The following ZNF652 variants were observed in gnomAD, a reference collection of about 807,000 sequenced individuals.
The protein encoded by ZNF652 is zinc finger protein 652.
In ZNF652, 16 loss-of-function variants were observed where a neutral mutation model predicts 45.2. The ratio of observed to expected loss-of-function variants is 0.35; its 90% CI spans 0.24 to 0.54. ZNF652 has a LOEUF of 0.54. Ranked by LOEUF, ZNF652 falls within the 20% of genes least tolerant of loss-of-function variation. The pLI is 0.91. For synonymous variants in ZNF652, 250 were observed against 260.6 expected (o/e 0.96, Z 0.39); for missense variants, 614 against 765.6 (o/e 0.80, Z 2.34).
intron 4 of ZNF652, 48 bp downstream of exon 4, chr17:49,311,879 G>C: frequency 6.7e-7 from 1 of 1,491,012 alleles, no homozygotes; most frequent in Non-Finnish European, 9.3e-7. Context: ...CGCCATCTAT[G>C]CAAACACTAG....
chr17:49,336,222 A>T (rs770411053), intron 1 of ZNF652, among the ~76,000 whole-genome samples: 84 of 150,974 alleles, frequency 5.6e-4, no homozygotes, highest in Middle Eastern at 3.5e-3. Context: ...ATGAGGTTTC[A>T]CCATGTTGGC....
intron 5 of ZNF652, among the ~76,000 whole-genome samples, chr17:49,304,993 G>A (rs1199741269): frequency 2.0e-5 from 3 of 151,756 alleles, no homozygotes; most frequent in Admixed American, 6.6e-5. Context: ...AACTGCTTAC[G>A]TGAATGCCCC....
intron 1 of ZNF652, among the ~76,000 whole-genome samples, chr17:49,330,480 A>G (rs2070011168): frequency 6.6e-6 from 1 of 151,908 alleles, no homozygotes; most frequent in Non-Finnish European, 1.5e-5. Flanking sequence ...AATTTTTAGC[A>G]TGACTAATTT....
intron 1 of ZNF652, among the ~76,000 whole-genome samples, chr17:49,338,833 T>A (rs2070112366): frequency 6.6e-6 from 1 of 151,752 alleles, no homozygotes; most frequent in South Asian, 2.1e-4. Context: ...AAGAAAAGGA[T>A]AACAATGAAG....
chr17:49,317,610 C>A lies in ZNF652; in HGVS notation c.116G>T (p.Gly39Val). Reference protein sequence around the residue: ...RGQVPSSFYHGANQELDLSTK... With the variant: ...RGQVPSSFYHVANQELDLSTK... ...GGACAGGTCAAGTTCTTGGTTGGCACCATGATAAAAGGAAGATGGCACTTG... is the reference window on the plus strand; with the variant it reads ...GGACAGGTCAAGTTCTTGGTTGGCAACATGATAAAAGGAAGATGGCACTTG... Residue 39 changes from glycine (G) to valine (V), a missense_variant, in exon 2 of 6, where the codon GGT becomes GTT. Around this residue, in one of 5 missense-constraint regions of ZNF652, gnomAD observed 133 missense variants for 132.2 expected, o/e 1.01. Transcript: ENST00000430262. 6.2e-7 allele frequency: 1 copy of A among 1,614,092 alleles called. No individual in the cohort carries two copies. The highest frequency in any genetic ancestry group is 8.5e-7 in the Non-Finnish European group (1 of 1,179,980).
rs1170573845 is a variant in ZNF652 at position 49,296,357 on chromosome 17, C to T, written c.*2056G>A. 6.6e-6 allele frequency: 1 copy of T among 152,270 alleles called. No individual in the cohort carries two copies. The highest frequency in any genetic ancestry group is 1.5e-5 in the Non-Finnish European group (1 of 67,958). The allele number at this position is 152,270 out of a possible 1,614,324, so 9.4% of individuals were successfully genotyped here. ...AGGAGAAAATTTAGAAACACTAAAC[C>T]AAAAAGCCAATAGAGAACGTGATGT... On this transcript the variant is annotated 3_prime_UTR_variant, in exon 6 of 6. Coordinates refer to ENST00000430262, the MANE Select transcript of ZNF652 (RefSeq NM_001145365.3).
chr17:49,330,845 G>A (rs2070015233), intron 1 of ZNF652, among the ~76,000 whole-genome samples: 1 of 151,518 alleles, frequency 6.6e-6, no homozygotes, highest in African/African-American at 2.4e-5. Context: ...GAGATTGGGA[G>A]TTCGAGACCA....
At chr17:49,345,445 GC>G (rs2070194901) in intron 1 of ZNF652, among the ~76,000 whole-genome samples, 1 of 151,096 alleles carries the variant, frequency 6.6e-6, no homozygotes. Context: ...AAAGTGATAT[GC>G]CCACCTCGGC....
At chr17:49,342,671 C>A (rs2070161826) in intron 1 of ZNF652, among the ~76,000 whole-genome samples, 1 of 151,330 alleles carries the variant, frequency 6.6e-6, no homozygotes, top group African/African-American at 2.4e-5. Flanking sequence ...ATTGACAAAC[C>A]TCAGTTACTG....
At chr17:49,306,459 A>AT (rs891274663) in intron 5 of ZNF652, among the ~76,000 whole-genome samples, 3 of 151,752 alleles carry the variant, frequency 2.0e-5, no homozygotes, top group Non-Finnish European at 2.9e-5. Context: ...GGTTTTTTCA[A>AT]TTTTTTTTGG....
chr17:49,356,073 T>C (rs907327601), intron 1 of ZNF652, among the ~76,000 whole-genome samples: 1 of 151,956 alleles, frequency 6.6e-6, no homozygotes, highest in Non-Finnish European at 1.5e-5. Flanking sequence ...TTTGAGAATG[T>C]GCTAAAAAAG....
chr17:49,325,671 A>T (rs756650915), intron 1 of ZNF652, among the ~76,000 whole-genome samples: 18 of 151,962 alleles, frequency 1.2e-4, no homozygotes, highest in Non-Finnish European at 2.1e-4. Context: ...AAAAAAATAC[A>T]AATTACCCAG....
chr17:49,356,901 A>C (rs2070343356), intron 1 of ZNF652, among the ~76,000 whole-genome samples: 2 of 152,142 alleles, frequency 1.3e-5, no homozygotes, highest in Admixed American at 6.5e-5. Flanking sequence ...TAACCTAAGA[A>C]ATCCTATTTT....
At chr17:49,307,574 C>A (rs2143745423) in intron 5 of ZNF652, among the ~76,000 whole-genome samples, 1 of 140,656 alleles carries the variant, frequency 7.1e-6, no homozygotes, top group East Asian at 2.1e-4. Flanking sequence ...ACCCCCATCT[C>A]TACTAAAAAT....
intron 1 of ZNF652, among the ~76,000 whole-genome samples, chr17:49,353,191 T>C (rs926559159): frequency 1.3e-5 from 2 of 152,170 alleles, no homozygotes; most frequent in Non-Finnish European, 2.9e-5. Context: ...TCAAATTCTT[T>C]TTTTCTGGAG....
chr17:49,298,481 T>C lies in ZNF652; in HGVS notation c.1753A>G (p.Arg585Gly), dbSNP rs1267127031. ...AGAAAGTTGTCCTCACTCTGGCCTC[T>C]ATGATTTAAAGGCTCACTCTTAAAG... Reference protein sequence around the residue: ...ALFKSEPLNHRGQSEDNFLRH... With the variant: ...ALFKSEPLNHGGQSEDNFLRH... Residue 585 changes from arginine (R) to glycine (G), a missense_variant, in exon 6 of 6, where the codon AGA (arginine) becomes GGA (glycine). Transcript: ENST00000430262. The C allele has an allele frequency of 1.9e-6, 3 of 1,613,046 alleles. No homozygotes were observed. Among genetic ancestry groups the C allele is most frequent in the Non-Finnish European group, 2.5e-6 (3 of 1,180,014 alleles).
chr17:49,314,591 C>A (rs1341030383), intron 2 of ZNF652, among the ~76,000 whole-genome samples: 2 of 152,148 alleles, frequency 1.3e-5, no homozygotes, highest in Non-Finnish European at 2.9e-5. Context: ...CACCACACTG[C>A]CTAGTTCCTT....
downstream of ZNF652, among the ~76,000 whole-genome samples, chr17:49,288,691 A>G (rs1188485969): frequency 6.6e-6 from 1 of 152,264 alleles, no homozygotes; most frequent in African/African-American, 2.4e-5. Flanking sequence ...ATCAATGTCC[A>G]GCACGTATTA....
In ZNF652 at chr17:49,294,544, G is replaced by A. The variant is rs1380280147; in HGVS notation, c.*3869C>T. On this transcript the variant is annotated 3_prime_UTR_variant, in exon 6 of 6. Coordinates refer to ENST00000430262, the MANE Select transcript of ZNF652 (RefSeq NM_001145365.3). ...CATTCAAATTTAAAAATCTAACTCCGAATGAGCCTATCTGACTCAATTTGA... is the reference window on the plus strand; with the variant it reads ...CATTCAAATTTAAAAATCTAACTCCAAATGAGCCTATCTGACTCAATTTGA... 2.0e-5 allele frequency: 3 copies of A among 152,026 alleles called. No individual in the cohort carries two copies. Among genetic ancestry groups the A allele is most frequent in the Admixed American group, 6.6e-5 (1 of 15,256 alleles). 9.4% of individuals were successfully genotyped at this position (152,026 alleles called of 1,614,324 possible).
Sources: allele counts gnomAD v4.1 joint callset (sites outside exome capture counted in the v4.1 genomes callset), GRCh38; gene constraint gnomAD v4.1.1; regional missense constraint gnomAD v4.1.1; transcripts MANE v1.5; gene names NCBI Gene and HGNC (gene_info 2026-07-23, HGNC 2026-07-21).